The following PLSCR4 variants were observed in gnomAD, a reference collection of about 807,000 sequenced individuals.
PLSCR4 encodes phospholipid scramblase 4.
In PLSCR4, 25 loss-of-function variants were observed where a neutral mutation model predicts 36.3. The ratio of observed to expected loss-of-function variants is 0.69; its 90% confidence interval spans 0.50 to 0.96. The LOEUF (loss-of-function observed/expected upper bound fraction) is 0.96, where lower values mean the gene tolerates loss of function less well. PLSCR4 is among the 40% of genes least tolerant of loss of function. PLSCR4 has a pLI of 0.00. For missense variants in PLSCR4, 408 were observed against 414.7 expected (o/e 0.98, Z 0.14); for synonymous variants, 122 against 132.9 (o/e 0.92, Z 0.56).
At chr3:146,234,504 C>T (rs2035838138) in intron 1 of PLSCR4, among the ~76,000 whole-genome samples, 1 of 152,172 alleles carries the variant, frequency 6.6e-6, no homozygotes, top group African/African-American at 2.4e-5. Flanking sequence ...CCTCTTGACA[C>T]AAGCAGCTGT....
intron 7 of PLSCR4, 114 bp downstream of exon 7, chr3:146,196,518 C>T: frequency 2.1e-6 from 2 of 966,842 alleles, no homozygotes; most frequent in Non-Finnish European, 3.2e-6. Context: ...TAACTCTTTC[C>T]TAACACTATG....
chr3:146,220,057 A>C (rs752353666), intron 3 of PLSCR4, among the ~76,000 whole-genome samples: 5 of 152,196 alleles, frequency 3.3e-5, no homozygotes, highest in Non-Finnish European at 5.9e-5. Flanking sequence ...TTAAATATGT[A>C]TTTTAAAAAA....
At chr3:146,222,341 G>A (rs2035199377) in intron 1 of PLSCR4, 1 of 237,014 alleles carries the variant, frequency 4.2e-6, no homozygotes, top group Non-Finnish European at 8.1e-6. Context: ...TATTGTAGTA[G>A]AATGAGATTT....
At chr3:146,211,423 T>C (rs1026545423) in intron 3 of PLSCR4, among the ~76,000 whole-genome samples, 2 of 152,180 alleles carry the variant, frequency 1.3e-5, no homozygotes, top group African/African-American at 2.4e-5. Context: ...TGTTGCATTA[T>C]AAATGTTCTT....
chr3:146,195,083 A>C, intron 8 of PLSCR4, 41 bp downstream of exon 8: 1 of 1,586,352 alleles, frequency 6.3e-7, no homozygotes, highest in South Asian at 1.1e-5. Context: ...TCCATCAGAA[A>C]GAACAACTCT....
Position 146,227,070 on chromosome 3 carries a change from A to C in PLSCR4, c.-21-4978T>G, listed in dbSNP as rs372963879. ...AGTTAGTAGAAGCATGAATGTTGTT[A>C]ACTTAATCCTCCTTTAATATTCAGT... On this transcript the variant is annotated intron_variant, in intron 1 of 8. Transcript: ENST00000354952. Among the ~76,000 whole-genome samples the C allele has an allele frequency of 6.6e-5, 10 of 152,328 alleles. 1 individual carries two copies. The highest frequency in any genetic ancestry group is 5.8e-4 in the East Asian group (3 of 5,192).
intron 1 of PLSCR4, among the ~76,000 whole-genome samples, chr3:146,230,434 A>C (rs2035661525): frequency 6.6e-6 from 1 of 152,132 alleles, no homozygotes; most frequent in Non-Finnish European, 1.5e-5. Flanking sequence ...GATAATAATA[A>C]AAATTCTTAA....
rs866996036 is a variant in PLSCR4 at position 146,225,803 on chromosome 3, C to T, written c.-21-3711G>A. 3.3e-5 allele frequency among the ~76,000 whole-genome samples: 5 copies of T among 152,324 alleles called. No individual in the cohort carries two copies. In the Middle Eastern group the frequency reaches 0.01, roughly 311 times the overall value. On this transcript the variant is annotated intron_variant, in intron 1 of 8. Transcript: ENST00000354952. ...CGCCGCACGCGGTTGCCGCTGGCGC[C>T]TCTCCCTCCACACCTCCCTGCAAGC...
chr3:146,225,820 C>T (rs2035449407), intron 1 of PLSCR4, among the ~76,000 whole-genome samples: 1 of 152,184 alleles, frequency 6.6e-6, no homozygotes, highest in African/African-American at 2.4e-5. Context: ...TCCACACCTC[C>T]CTGCAAGCTG....
At position 146,221,069 on chromosome 3, in the gene PLSCR4, C is replaced by G. The variant is rs2035117232; in HGVS notation, c.8-144G>C. 5 of 545,984 alleles carry G rather than the reference C, an allele frequency of 9.2e-6. No individual in the cohort carries two copies. In the South Asian group the frequency reaches 1.5e-4, roughly 16 times the overall value. 33.8% of individuals were successfully genotyped at this position (545,984 alleles called of 1,614,324 possible). On this transcript the variant is annotated intron_variant, in intron 2 of 8. Coordinates refer to ENST00000354952, the MANE Select transcript of PLSCR4 (RefSeq NM_020353.3). Reference sequence around the variant, plus strand: ...TCCTATATTTTTTAAAGAAAGAATTCATCATATATTAGACACTATTAATAA... The same window carrying G: ...TCCTATATTTTTTAAAGAAAGAATTGATCATATATTAGACACTATTAATAA...
At chr3:146,224,117 TA>T (rs2035320743) in intron 1 of PLSCR4, among the ~76,000 whole-genome samples, 1 of 152,024 alleles carries the variant, frequency 6.6e-6, no homozygotes, top group African/African-American at 2.4e-5. Flanking sequence ...TAGACACTCC[TA>T]GTTATGTACC....
At chr3:146,248,544 T>TTTAAC (rs10662243) in intron 1 of PLSCR4, among the ~76,000 whole-genome samples, 117,512 of 151,560 alleles carry the variant, frequency 0.78, 46,639 homozygotes, top group Non-Finnish European at 0.86. Flanking sequence ...GTGTTTTAAC[T>TTTAAC]TTATGTTTTG....
chr3:146,208,917 T>C (rs2034480916), intron 3 of PLSCR4, among the ~76,000 whole-genome samples: 1 of 152,070 alleles, frequency 6.6e-6, no homozygotes, highest in Non-Finnish European at 1.5e-5. Context: ...CTGGGGTATT[T>C]ATCCAGGGGA....
chr3:146,227,416 A>G (rs1358521876), intron 1 of PLSCR4, among the ~76,000 whole-genome samples: 4 of 152,136 alleles, frequency 2.6e-5, no homozygotes, highest in Non-Finnish European at 5.9e-5. Flanking sequence ...ATTGCATCCT[A>G]CAGCAAGAGT....
chr3:146,229,620 T>TA (rs1246961470), intron 1 of PLSCR4, among the ~76,000 whole-genome samples: 4 of 133,516 alleles, frequency 3.0e-5, no homozygotes, highest in African/African-American at 1.0e-4. Flanking sequence ...TTTATTTATT[T>TA]ATTTATTTAT....
Position 146,206,614 on chromosome 3 carries a change from G to T in PLSCR4, c.266C>A (p.Pro89His). The stretch of plus-strand genomic sequence containing the variant: ...TATTGGAACAGACTGATTTGGCATA[G>T]GATATTTGCCAGGCTGATACCGGAC... ...HPVRYQPGKY[P>H]MPNQSVPITW... The change falls in exon 4 of 9, where the codon CCT becomes CAT. Residue 89 changes from proline to histidine, a missense_variant. Physicochemically the swap from Pro to His is moderately conservative, Grantham distance 77 (BLOSUM62 -2). Transcript: ENST00000354952. 1 of 1,613,516 alleles carries T rather than the reference G, an allele frequency of 6.2e-7. No homozygotes were observed. Among genetic ancestry groups the T allele is most frequent in the East Asian group, 2.2e-5 (1 of 44,842 alleles).
intron 1 of PLSCR4, among the ~76,000 whole-genome samples, chr3:146,236,922 A>G (rs1246739709): frequency 6.6e-6 from 1 of 152,212 alleles, no homozygotes; most frequent in Non-Finnish European, 1.5e-5. Flanking sequence ...AGAATGTAAG[A>G]CATATAGAAA....
rs977405390 is a variant in PLSCR4, at chr3:146,224,574, G to C, written c.-21-2482C>G. Among the ~76,000 whole-genome samples, 6 of 151,958 alleles carry C rather than the reference G, an allele frequency of 3.9e-5. No individual in the cohort carries two copies. In the South Asian group the frequency reaches 1.0e-3, roughly 26 times the overall value. Reference sequence around the variant, plus strand: ...CAGGAGTGAAGCTGCAGACCTTCGCGGTGAGTGTTACAGCTCATAAAAGCA... The same window carrying C: ...CAGGAGTGAAGCTGCAGACCTTCGCCGTGAGTGTTACAGCTCATAAAAGCA... On this transcript the variant is annotated intron_variant, in intron 1 of 8. Coordinates refer to ENST00000354952, the MANE Select transcript of PLSCR4 (RefSeq NM_020353.3).
intron 3 of PLSCR4, among the ~76,000 whole-genome samples, chr3:146,216,183 A>G (rs1187748130): frequency 1.3e-5 from 2 of 152,194 alleles, no homozygotes; most frequent in Non-Finnish European, 2.9e-5. Context: ...GTTAGCCGAG[A>G]TTGCATCACT....
Sources: allele counts gnomAD v4.1 joint callset (sites outside exome capture counted in the v4.1 genomes callset), GRCh38; gene constraint gnomAD v4.1.1; transcripts MANE v1.5; gene names NCBI Gene and HGNC (gene_info 2026-07-23, HGNC 2026-07-21).